Variants in PCDH9 observed in about 807,000 individuals in gnomAD.
PCDH9 encodes the protein protocadherin 9, also known as protocadherin-9.
A neutral mutation model predicts 70.6 loss-of-function variants in PCDH9; 24 were observed. That is an observed-to-expected ratio of 0.34 (90% CI 0.25 to 0.48). PCDH9 has a LOEUF of 0.48. PCDH9 is among the 20% of genes least tolerant of loss of function. The pLI is 0.99. For missense variants in PCDH9, 1,281 were observed against 1,503.6 expected (o/e 0.85, Z 2.45); for synonymous variants, 562 against 558.5 (o/e 1.01, Z -0.09).
intron 4 of PCDH9, among the ~76,000 whole-genome samples, chr13:66,524,832 A>G (rs1200000914): frequency 6.6e-6 from 1 of 152,110 alleles, no homozygotes; most frequent in Non-Finnish European, 1.5e-5. Flanking sequence ...TTCATTCATA[A>G]AATGGGGAGT....
intron 3 of PCDH9, among the ~76,000 whole-genome samples, chr13:66,686,687 C>T (rs1329312957): frequency 1.3e-5 from 2 of 152,076 alleles, no homozygotes; most frequent in South Asian, 2.1e-4. Flanking sequence ...TACCACTTTA[C>T]CACATTTGCT....
At chr13:66,801,442 T>C (rs2080325276) in intron 3 of PCDH9, among the ~76,000 whole-genome samples, 1 of 152,138 alleles carries the variant, frequency 6.6e-6, no homozygotes, top group Non-Finnish European at 1.5e-5. Flanking sequence ...ATTTGCCCTG[T>C]AACAAATTTC....
chr13:67,186,118 A>G (rs905731371), intron 2 of PCDH9, among the ~76,000 whole-genome samples: 5 of 152,136 alleles, frequency 3.3e-5, no homozygotes, highest in Admixed American at 6.5e-5. Flanking sequence ...AAATATAAAG[A>G]GGTTACCAAT....
intron 4 of PCDH9, among the ~76,000 whole-genome samples, chr13:66,599,981 G>C (rs948739370): frequency 1.5e-4 from 23 of 151,836 alleles, no homozygotes; most frequent in African/African-American, 5.5e-4. Flanking sequence ...TATTATGCTT[G>C]CAAATGGCAT....
chr13:66,963,879 T>G (rs2083389794), intron 2 of PCDH9, among the ~76,000 whole-genome samples: 1 of 152,164 alleles, frequency 6.6e-6, no homozygotes, highest in African/African-American at 2.4e-5. Context: ...TGCAAACTTT[T>G]TATATTTTTT....
chr13:66,973,866 T>G (rs1405024424), intron 2 of PCDH9, among the ~76,000 whole-genome samples: 1 of 152,072 alleles, frequency 6.6e-6, no homozygotes, highest in Non-Finnish European at 1.5e-5. Flanking sequence ...AGCATTTGCT[T>G]GTATTTTGTT....
At chr13:66,934,845 C>G (rs1189936330) in intron 2 of PCDH9, among the ~76,000 whole-genome samples, 21 of 142,888 alleles carry the variant, frequency 1.5e-4, no homozygotes, top group African/African-American at 4.9e-4. Flanking sequence ...CTCAGCCTCC[C>G]GAGTAGCTGG....
intron 3 of PCDH9, among the ~76,000 whole-genome samples, chr13:66,835,701 A>C (rs1566228815): frequency 1.3e-5 from 2 of 152,208 alleles, no homozygotes; most frequent in South Asian, 4.1e-4. Flanking sequence ...CATCTGAATT[A>C]ATACATTTAC....
intron 2 of PCDH9, among the ~76,000 whole-genome samples, chr13:66,911,295 A>C (rs1396833328): frequency 6.6e-6 from 1 of 152,146 alleles, no homozygotes; most frequent in Non-Finnish European, 1.5e-5. Flanking sequence ...AATTCTGCTA[A>C]ATGAATAAAT....
chr13:67,167,748 T>G (rs2088161914), intron 2 of PCDH9, among the ~76,000 whole-genome samples: 2 of 152,224 alleles, frequency 1.3e-5, no homozygotes, highest in Non-Finnish European at 2.9e-5. Flanking sequence ...ATTCTGTTTT[T>G]CCTTTTTATT....
intron 4 of PCDH9, among the ~76,000 whole-genome samples, chr13:66,608,415 T>C (rs1035681184): frequency 6.6e-6 from 1 of 152,162 alleles, no homozygotes; most frequent in Non-Finnish European, 1.5e-5. Context: ...ACATTTCTTC[T>C]AAATAAACCA....
chr13:67,161,565 A>G (rs185218113), intron 2 of PCDH9, among the ~76,000 whole-genome samples: 2 of 152,214 alleles, frequency 1.3e-5, no homozygotes, highest in Admixed American at 1.3e-4. Context: ...GAGCCACTGA[A>G]CTCCAAGAGG....
chr13:66,779,551 G>A (rs113252150), intron 3 of PCDH9, among the ~76,000 whole-genome samples: 2,725 of 152,102 alleles, frequency 0.018, 72 homozygotes, highest in African/African-American at 0.062. Context: ...GGCTGGGCGC[G>A]GTGGCTCAGG....
intron 3 of PCDH9, among the ~76,000 whole-genome samples, chr13:66,787,289 T>C (rs898032665): frequency 1.2e-4 from 18 of 152,116 alleles, no homozygotes; most frequent in Non-Finnish European, 1.5e-5. Flanking sequence ...TTTTCCAAAG[T>C]GAAGACTTTT....
At chr13:66,948,259 C>T (rs1447124969) in intron 2 of PCDH9, among the ~76,000 whole-genome samples, 1 of 152,046 alleles carries the variant, frequency 6.6e-6, no homozygotes, top group Non-Finnish European at 1.5e-5. Flanking sequence ...ACTTCAGAAA[C>T]AGATGCAGTT....
chr13:67,163,756 C>A (rs2088027919), intron 2 of PCDH9, among the ~76,000 whole-genome samples: 1 of 152,120 alleles, frequency 6.6e-6, no homozygotes, highest in African/African-American at 2.4e-5. Context: ...CCAAAATGTA[C>A]AGTTCTTTAA....
intron 4 of PCDH9, among the ~76,000 whole-genome samples, chr13:66,320,713 A>G (rs907052316): frequency 2.6e-5 from 4 of 151,912 alleles, no homozygotes; most frequent in Admixed American, 6.6e-5. Context: ...GTATCTACCT[A>G]TTTATTCATA....
chr13:66,750,075 T>A (rs529275376), intron 3 of PCDH9, among the ~76,000 whole-genome samples: 98 of 152,022 alleles, frequency 6.4e-4, no homozygotes, highest in African/African-American at 2.1e-3. Context: ...AATCTCTCTC[T>A]CACACACACA....
At chr13:66,968,925 G>A (rs977159144) in intron 2 of PCDH9, among the ~76,000 whole-genome samples, 59 of 152,082 alleles carry the variant, frequency 3.9e-4, no homozygotes, top group African/African-American at 1.4e-3. Context: ...GAATTCCAGT[G>A]GGGACCTTCT....
Sources: gnomAD v4.1 joint callset for allele counts (sites outside exome capture counted in the v4.1 genomes callset) on GRCh38, gnomAD v4.1.1 for gene constraint, MANE v1.5 for transcripts, NCBI Gene and HGNC (gene_info 2026-07-23, HGNC 2026-07-21) for gene names.